PRPSAP1: variants seen among roughly 807,000 people sequenced by gnomAD.
PRPSAP1 encodes the protein phosphoribosyl pyrophosphate synthase-associated protein 1.
PRPSAP1 carries 31 observed loss-of-function variants against 39.4 expected under a neutral mutation model. That is an observed-to-expected ratio of 0.79 (90% CI 0.59 to 1.06). The LOEUF is 1.06. Ranked by LOEUF, PRPSAP1 falls within the 50% of genes least tolerant of loss-of-function variation. The probability of loss-of-function intolerance (pLI) is 0.00; values close to 1 mark genes in which losing one functional copy is unlikely to be tolerated. For missense variants in PRPSAP1, 430 were observed against 511.6 expected (o/e 0.84, Z 1.54); for synonymous variants, 212 against 192.6 (o/e 1.10, Z -0.83).
chr17:76,336,407 C>T (rs928918775), intron 3 of PRPSAP1, among the ~76,000 whole-genome samples: 13 of 143,950 alleles, frequency 9.0e-5, no homozygotes, highest in Non-Finnish European at 1.8e-4. Flanking sequence ...CACTGCACTC[C>T]AGCTTGGGCT....
At position 76,313,887 on chromosome 17, in the gene PRPSAP1, C is replaced by A. The variant is rs747709288; in HGVS notation, c.786G>T (p.Met262Ile). Residue 262 changes from methionine (M) to isoleucine (I), a missense_variant, in exon 8 of 10, where the codon ATG becomes ATT. Met to Ile is a conservative substitution (Grantham distance 10). Transcript: ENST00000446526. ...TTATCGGTGGCTTCTCTTTGGCCAT[C>A]ATCACTAGCAAAACAAAACAAATTA... ...TVHPGLELPL[M>I]MAKEKPPITV... 2.5e-6 allele frequency: 4 copies of A among 1,614,020 alleles called. No homozygotes were observed. The highest frequency in any genetic ancestry group is 2.5e-6 in the Non-Finnish European group (3 of 1,180,026).
intron 3 of PRPSAP1, among the ~76,000 whole-genome samples, chr17:76,334,000 C>G (rs570492964): frequency 8.9e-4 from 136 of 152,296 alleles, no homozygotes; most frequent in African/African-American, 3.1e-3. Flanking sequence ...GTGATGCTCC[C>G]GCCTCAGCCT....
intron 7 of PRPSAP1, among the ~76,000 whole-genome samples, chr17:76,320,520 G>T (rs1265920342): frequency 7.0e-6 from 1 of 143,164 alleles, no homozygotes; most frequent in East Asian, 2.1e-4. Flanking sequence ...TGCCTCCCAG[G>T]TTCAAGTGAT....
chr17:76,353,807 C>G lies in PRPSAP1; in HGVS notation c.-104G>C. The G allele has an allele frequency of 7.2e-7, 1 of 1,386,998 alleles. No individual in the cohort carries two copies. The highest frequency in any genetic ancestry group is 2.7e-4 in the Middle Eastern group (1 of 3,756). 85.9% of individuals were successfully genotyped at this position (1,386,998 alleles called of 1,614,324 possible). On this transcript the variant is annotated 5_prime_UTR_variant, in exon 1 of 10. Transcript: ENST00000446526. ...TGGGTGGGGAAGGCGCTGAGAAACT[C>G]GGCGCAAGCGGGGAGAGCTCCGAGG...
At chr17:76,328,066 G>A (rs1473212451) in intron 7 of PRPSAP1, among the ~76,000 whole-genome samples, 1 of 151,616 alleles carries the variant, frequency 6.6e-6, no homozygotes, top group African/African-American at 2.4e-5. Context: ...GCATGGTAGT[G>A]TACCCCTACA....
chr17:76,333,850 GCATTCATT>G (rs58262193), intron 3 of PRPSAP1, among the ~76,000 whole-genome samples: 2 of 151,280 alleles, frequency 1.3e-5, no homozygotes, highest in Non-Finnish European at 3.0e-5. Context: ...TGTAGACTCT[GCATTCATT>G]CATTCATTCA....
At chr17:76,338,790 T>C (rs2071405120) in intron 3 of PRPSAP1, among the ~76,000 whole-genome samples, 1 of 151,644 alleles carries the variant, frequency 6.6e-6, no homozygotes, top group African/African-American at 2.4e-5. Flanking sequence ...TCCCAGGACT[T>C]TGGGAGGCCG....
Position 76,310,787 on chromosome 17 carries a change from A to G in PRPSAP1, c.*755T>C, listed in dbSNP as rs1285691402. On this transcript the variant is annotated 3_prime_UTR_variant, in exon 10 of 10. Transcript: ENST00000446526. ...ACCTAGACTTTTTTTTTTTTTTTTT[A>G]AAGATTTAAAATACAGTATTCAACA... The G allele has an allele frequency of 2.1e-5, 3 of 143,520 alleles. No homozygotes were observed. Among genetic ancestry groups the G allele is most frequent in the Non-Finnish European group, 3.0e-5 (2 of 66,214 alleles). 8.9% of individuals were successfully genotyped at this position (143,520 alleles called of 1,614,324 possible). A position where few individuals can be genotyped will look rare whatever the true frequency, so the allele number is the denominator to read the frequency against.
chr17:76,331,126 C>T (rs2071317310), intron 4 of PRPSAP1, among the ~76,000 whole-genome samples: 2 of 152,048 alleles, frequency 1.3e-5, no homozygotes, highest in Admixed American at 1.3e-4. Flanking sequence ...GATATTGAAG[C>T]TTAGAATAAT....
rs968029265 is a variant in PRPSAP1 at position 76,352,951 on chromosome 17, T to C, written c.170+583A>G. 4 of 152,274 alleles carry C rather than the reference T, an allele frequency of 2.6e-5. No homozygotes were observed. The East Asian group carries it at 7.7e-4, about 29-fold the overall frequency. The allele number at this position is 152,274 out of a possible 1,614,324, so 9.4% of individuals were successfully genotyped here. A position where few individuals can be genotyped will look rare whatever the true frequency, so the allele number is the denominator to read the frequency against. ...TTGGGTTAAAGACACAAATGACTGA[T>C]CTTATCCCAAGCTGATTTACAAAGC... On this transcript the variant is annotated intron_variant, in intron 1 of 9. Transcript: ENST00000446526.
chr17:76,347,215 G>A (rs952753868), intron 2 of PRPSAP1, among the ~76,000 whole-genome samples: 6 of 151,790 alleles, frequency 4.0e-5, no homozygotes, highest in African/African-American at 9.7e-5. Flanking sequence ...GGCCGGGCGC[G>A]GTGGCTCATG....
At chr17:76,336,914 A>C (rs1224191005) in intron 3 of PRPSAP1, among the ~76,000 whole-genome samples, 1 of 152,118 alleles carries the variant, frequency 6.6e-6, no homozygotes, top group Non-Finnish European at 1.5e-5. Flanking sequence ...ACTGAGAGAT[A>C]CCGGACAAAT....
In PRPSAP1 at chr17:76,353,828, C is replaced by T. The variant is rs1467711458; in HGVS notation, c.-125G>A. Reference sequence around the variant, plus strand: ...AACTCGGCGCAAGCGGGGAGAGCTCCGAGGTCCGTGCCCTTGCGCACCCCA... The same window carrying T: ...AACTCGGCGCAAGCGGGGAGAGCTCTGAGGTCCGTGCCCTTGCGCACCCCA... On this transcript the variant is annotated 5_prime_UTR_variant, in exon 1 of 10. Coordinates refer to ENST00000446526, the MANE Select transcript of PRPSAP1 (RefSeq NM_002766.3). The T allele has an allele frequency of 4.3e-6, 6 of 1,382,606 alleles. No individual in the cohort carries two copies. Among genetic ancestry groups the T allele is most frequent in the African/African-American group, 1.5e-5 (1 of 65,050 alleles). The allele number at this position is 1,382,606 out of a possible 1,614,324, so 85.6% of individuals were successfully genotyped here. A position where few individuals can be genotyped will look rare whatever the true frequency, so the allele number is the denominator to read the frequency against.
At chr17:76,328,336 A>G (rs2071275877) in intron 7 of PRPSAP1, among the ~76,000 whole-genome samples, 1 of 152,220 alleles carries the variant, frequency 6.6e-6, no homozygotes. Context: ...TCATGCCTGT[A>G]ATCCCAGCAC....
chr17:76,330,413 C>T (rs1296100410), intron 5 of PRPSAP1, 138 bp downstream of exon 5: 1 of 673,544 alleles, frequency 1.5e-6, no homozygotes, highest in Non-Finnish European at 2.5e-6. Context: ...CTAAAGCTGA[C>T]CCTGTCTGCT....
chr17:76,341,248 T>G (rs914758202), intron 3 of PRPSAP1, among the ~76,000 whole-genome samples: 7 of 149,710 alleles, frequency 4.7e-5, no homozygotes, highest in South Asian at 4.2e-4. Context: ...TTTTTTTTTT[T>G]TTTTTTTGAG....
At chr17:76,325,008 CA>C (rs2071238974) in intron 7 of PRPSAP1, among the ~76,000 whole-genome samples, 2 of 146,870 alleles carry the variant, frequency 1.4e-5, no homozygotes, top group Non-Finnish European at 3.0e-5. Flanking sequence ...GTGGAGCTTG[CA>C]GTGAACTGGG....
chr17:76,353,527 C>T lies in PRPSAP1; in HGVS notation c.170+7G>A. ...CCCCCGGCCCGGCCCTCCCACCGCC[C>T]CCTTACTCTGTGATGCGCTTGGCCA... On this transcript the variant is annotated splice_region_variant and intron_variant, in intron 1 of 9. Coordinates refer to ENST00000446526, the MANE Select transcript of PRPSAP1 (RefSeq NM_002766.3). The T allele has an allele frequency of 6.6e-7, 1 of 1,516,198 alleles. No homozygotes were observed. Among genetic ancestry groups the T allele is most frequent in the South Asian group, 1.2e-5 (1 of 81,602 alleles). The allele number at this position is 1,516,198 out of a possible 1,614,324, so 93.9% of individuals were successfully genotyped here.
rs370923809 is a variant in PRPSAP1, at chr17:76,348,582, C to T, written c.171-1G>A. Reference sequence around the variant, plus strand: ...CTTCCCCAATTCAGCACCAAGGCGCCTATAGATCAAAAAGAACAAAAAAGG... The same window carrying T: ...CTTCCCCAATTCAGCACCAAGGCGCTTATAGATCAAAAAGAACAAAAAAGG... On this transcript the variant is annotated splice_acceptor_variant, in intron 1 of 9. Coordinates refer to ENST00000446526, the MANE Select transcript of PRPSAP1 (RefSeq NM_002766.3). LOFTEE classifies it high-confidence loss of function. 3.7e-5 allele frequency: 56 copies of T among 1,529,860 alleles called. No homozygotes were observed. The highest frequency in any genetic ancestry group is 4.7e-5 in the Non-Finnish European group (54 of 1,150,596). 94.8% of individuals were successfully genotyped at this position (1,529,860 alleles called of 1,614,324 possible). A position where few individuals can be genotyped will look rare whatever the true frequency, so the allele number is the denominator to read the frequency against.
Sources: gnomAD v4.1 joint callset for allele counts (sites outside exome capture counted in the v4.1 genomes callset) on GRCh38, gnomAD v4.1.1 for gene constraint, MANE v1.5 for transcripts, NCBI Gene and HGNC (gene_info 2026-07-23, HGNC 2026-07-21) for gene names.